DENND2A: variants seen among roughly 807,000 people sequenced by gnomAD.
DENND2A encodes the protein DENN domain containing 2A.
In DENND2A, 53 loss-of-function variants were observed where a neutral mutation model predicts 105.3. The ratio of observed to expected loss-of-function variants is 0.50; its 90% CI spans 0.40 to 0.63. DENND2A has a LOEUF of 0.63. DENND2A is among the 30% of genes least tolerant of loss of function. DENND2A has a pLI of 0.00. For missense variants in DENND2A, 1,138 were observed against 1,279.6 expected (o/e 0.89, Z 1.69); for synonymous variants, 522 against 508.4 (o/e 1.03, Z -0.36).
At chr7:140,538,203 C>T (rs1000658650) in intron 14 of DENND2A, among the ~76,000 whole-genome samples, 3 of 152,120 alleles carry the variant, frequency 2.0e-5, no homozygotes, top group African/African-American at 4.8e-5. Context: ...AGACTCACAG[C>T]GATGATGAGA....
chr7:140,637,482 C>T (rs1449745479), intron 1 of DENND2A, among the ~76,000 whole-genome samples: 1 of 152,186 alleles, frequency 6.6e-6, no homozygotes, highest in Non-Finnish European at 1.5e-5. Flanking sequence ...TCAGCTCCTA[C>T]TCCTGGTTCC....
At chr7:140,613,683 C>CA (rs1233692664) in intron 1 of DENND2A, among the ~76,000 whole-genome samples, 25 of 72,958 alleles carry the variant, frequency 3.4e-4, no homozygotes, top group African/African-American at 1.2e-3. Flanking sequence ...AAAAAAAAAA[C>CA]AAACAAAAAA....
At chr7:140,589,772 T>C (rs1214107103) in intron 3 of DENND2A, among the ~76,000 whole-genome samples, 1 of 152,114 alleles carries the variant, frequency 6.6e-6, no homozygotes, top group Non-Finnish European at 1.5e-5. Flanking sequence ...GAGACTGCAG[T>C]TGCATGCCAC....
At chr7:140,598,635 C>T (rs185279525) in intron 3 of DENND2A, among the ~76,000 whole-genome samples, 179 of 152,034 alleles carry the variant, frequency 1.2e-3, no homozygotes, top group African/African-American at 4.3e-3. Context: ...CACACAAACA[C>T]ACACAAAATA....
At chr7:140,569,359 C>T (rs1186174662) in intron 7 of DENND2A, among the ~76,000 whole-genome samples, 2 of 152,156 alleles carry the variant, frequency 1.3e-5, no homozygotes, top group African/African-American at 2.4e-5. Context: ...AGGTCCTGGC[C>T]CCTTTTGTGC....
At chr7:140,608,692 AT>A (rs1199392672) in intron 1 of DENND2A, among the ~76,000 whole-genome samples, 3 of 150,520 alleles carry the variant, frequency 2.0e-5, no homozygotes, top group South Asian at 2.1e-4. Context: ...AAAAAAAAAA[AT>A]CATTAATTAA....
At chr7:140,548,093 A>G (rs1457699096) in intron 12 of DENND2A, among the ~76,000 whole-genome samples, 1 of 151,966 alleles carries the variant, frequency 6.6e-6, no homozygotes, top group Non-Finnish European at 1.5e-5. Flanking sequence ...TATATTTTTT[A>G]TTTTTTATTA....
intron 3 of DENND2A, among the ~76,000 whole-genome samples, chr7:140,598,649 G>A (rs1799371097): frequency 6.6e-6 from 1 of 151,774 alleles, no homozygotes. Context: ...CAAAATAAGA[G>A]TTTTCTTAAA....
rs539783809 is a variant in DENND2A, at chr7:140,639,139, G to A, written c.-248+1365C>T. Among the ~76,000 whole-genome samples, 3 of 151,956 alleles carry A rather than the reference G, an allele frequency of 2.0e-5. No homozygotes were observed. In the East Asian group the frequency reaches 5.9e-4, roughly 30 times the overall value. On this transcript the variant is annotated intron_variant, in intron 1 of 19. Transcript: ENST00000496613. ...GGCCGAGGCGGGCAGATCACCTGGG[G>A]TCAGCAGTTCAAGACCAGCCTGGCC...
chr7:140,531,822 A>AAAC (rs60323045), intron 14 of DENND2A, among the ~76,000 whole-genome samples: 129,089 of 146,796 alleles, frequency 0.88, 57,541 homozygotes, highest in East Asian at 1. Context: ...TCTCAAAGGA[A>AAAC]AACAACAACA....
At chr7:140,541,358 G>A (rs1458627708) in intron 14 of DENND2A, among the ~76,000 whole-genome samples, 1 of 151,992 alleles carries the variant, frequency 6.6e-6, no homozygotes, top group African/African-American at 2.4e-5. Flanking sequence ...CTCAGGGTGG[G>A]TCCTCCCCAA....
intron 1 of DENND2A, among the ~76,000 whole-genome samples, chr7:140,637,753 C>T (rs937245437): frequency 2.0e-5 from 3 of 152,186 alleles, no homozygotes; most frequent in East Asian, 3.8e-4. Flanking sequence ...GCCCTTCCAA[C>T]GTGCTATGCC....
chr7:140,632,309 C>T (rs766441507), intron 1 of DENND2A, among the ~76,000 whole-genome samples: 1 of 152,098 alleles, frequency 6.6e-6, no homozygotes, highest in Non-Finnish European at 1.5e-5. Context: ...TCATATGCAA[C>T]CTTGGACTAC....
chr7:140,624,405 G>A (rs556728711), intron 1 of DENND2A, among the ~76,000 whole-genome samples: 1 of 152,326 alleles, frequency 6.6e-6, no homozygotes, highest in African/African-American at 2.4e-5. Context: ...TACTGGAAAA[G>A]CGCCTGGCAC....
At position 140,601,517 on chromosome 7, in the gene DENND2A, C is replaced by A. The variant is rs368471013; in HGVS notation, c.881G>T (p.Arg294Ile). 5.1e-5 allele frequency: 83 copies of A among 1,614,038 alleles called. No individual in the cohort carries two copies. The highest frequency in any genetic ancestry group is 7.0e-5 in the Non-Finnish European group (83 of 1,180,024). Residue 294 changes from arginine to isoleucine, a missense_variant, in exon 3 of 20, where the codon AGA becomes ATA. Physicochemically the swap from Arg to Ile is moderately conservative, Grantham distance 97 (BLOSUM62 -3). Transcript: ENST00000496613. The stretch of plus-strand genomic sequence containing the variant: ...TAGAGAGGGCAGAGGAGGCAGATTT[C>A]TTTTCTCTTTCCTGAAGCCGATGCC... ...KPGIGFRKEK[R>I]NLPPLPSLPP...
chr7:140,584,991 G>C (rs555091862), intron 5 of DENND2A, among the ~76,000 whole-genome samples: 1 of 152,312 alleles, frequency 6.6e-6, no homozygotes, highest in Non-Finnish European at 1.5e-5. Flanking sequence ...TTGAGCCTAG[G>C]AGTTCAAGAT....
chr7:140,532,290 A>G (rs1183799717), intron 14 of DENND2A, among the ~76,000 whole-genome samples: 1 of 152,168 alleles, frequency 6.6e-6, no homozygotes, highest in Non-Finnish European at 1.5e-5. Context: ...AGAGACCTTA[A>G]GAAGGAAATC....
intron 14 of DENND2A, among the ~76,000 whole-genome samples, chr7:140,531,922 G>A (rs1274071131): frequency 6.6e-6 from 1 of 151,686 alleles, no homozygotes; most frequent in East Asian, 1.9e-4. Flanking sequence ...GCTTCTCATT[G>A]TGGGCTGCAA....
At chr7:140,641,052 C>G (rs527665262), upstream of DENND2A, among the ~76,000 whole-genome samples, 2 of 152,198 alleles carry the variant, frequency 1.3e-5, no homozygotes, top group Non-Finnish European at 2.9e-5. Flanking sequence ...CACCCAGGCC[C>G]GGGCGGATTC....
Sources: gnomAD v4.1 joint callset for allele counts (sites outside exome capture counted in the v4.1 genomes callset) on GRCh38, gnomAD v4.1.1 for gene constraint, MANE v1.5 for transcripts, NCBI Gene and HGNC (gene_info 2026-07-23, HGNC 2026-07-21) for gene names.